The following NPAT variants were observed in gnomAD, a reference collection of about 807,000 sequenced individuals.
The protein encoded by NPAT is nuclear protein, coactivator of histone transcription.
NPAT carries 52 observed loss-of-function variants against 130.7 expected under a neutral mutation model. The ratio of observed to expected loss-of-function variants is 0.40; its 90% CI spans 0.32 to 0.50. NPAT has a LOEUF of 0.50. Ranked by LOEUF, NPAT falls within the 20% of genes least tolerant of loss-of-function variation. The pLI is 0.68. For synonymous variants in NPAT, 580 were observed against 584.8 expected, an observed-to-expected ratio of 0.99 and a Z score of 0.12; for missense variants, 1,687 against 1,662.6, an observed-to-expected ratio of 1.01 and a Z score of -0.26.
chr11:108,188,060 T>C lies in NPAT; in HGVS notation c.638+38A>G, dbSNP rs1006443662. ...TGTAATTCTTTTTTTTTTTTTTTAA[T>C]GGATACGGGTAACTTGTCTCTTTTA... On this transcript the variant is annotated intron_variant, in intron 7 of 17. Transcript: ENST00000278612. The C allele has an allele frequency of 2.2e-6, 3 of 1,359,724 alleles. No individual in the cohort carries two copies. The South Asian group carries it at 3.5e-5, about 16-fold the overall frequency. 84.2% of individuals were successfully genotyped at this position (1,359,724 alleles called of 1,614,324 possible).
chr11:108,213,525 G>A (rs1331667667), intron 1 of NPAT, among the ~76,000 whole-genome samples: 1 of 152,128 alleles, frequency 6.6e-6, no homozygotes, highest in South Asian at 2.1e-4. Flanking sequence ...TCCACGCAAA[G>A]ACATACTGTG....
chr11:108,179,421 C>T (rs927410886), intron 10 of NPAT, among the ~76,000 whole-genome samples: 16 of 152,092 alleles, frequency 1.1e-4, no homozygotes, highest in East Asian at 1.9e-4. Flanking sequence ...ACATGTGACA[C>T]CACACCCAGC....
chr11:108,218,454 T>C (rs975422037), intron 1 of NPAT, among the ~76,000 whole-genome samples: 12 of 152,318 alleles, frequency 7.9e-5, no homozygotes, highest in African/African-American at 2.2e-4. Context: ...CTAGAAAGAT[T>C]AGTAATTTAA....
intron 2 of NPAT, among the ~76,000 whole-genome samples, chr11:108,194,692 A>G (rs1402401070): frequency 6.6e-6 from 1 of 152,188 alleles, no homozygotes; most frequent in Non-Finnish European, 1.5e-5. Flanking sequence ...GCTCTGTCAC[A>G]CAGGCTGGAG....
chr11:108,175,853 G>A lies in NPAT; in HGVS notation c.1132+393C>T, dbSNP rs569648895. ...ATTAATACTAAATTGTACATGTCAAGAATTGAATTATAAAGGAATGAGGTT... is the reference window on the plus strand; with the variant it reads ...ATTAATACTAAATTGTACATGTCAAAAATTGAATTATAAAGGAATGAGGTT... On this transcript the variant is annotated intron_variant, in intron 12 of 17. Transcript: ENST00000278612. Among the ~76,000 whole-genome samples the A allele has an allele frequency of 1.3e-4, 20 of 152,290 alleles. No homozygotes were observed. The East Asian group carries it at 3.9e-3, about 29-fold the overall frequency.
chr11:108,197,667 T>C (rs2078236487), intron 1 of NPAT, among the ~76,000 whole-genome samples: 1 of 152,210 alleles, frequency 6.6e-6, no homozygotes, highest in African/African-American at 2.4e-5. Context: ...TTTAACAAAG[T>C]ATAATTACTT....
At chr11:108,214,259 A>C (rs1447382126) in intron 1 of NPAT, among the ~76,000 whole-genome samples, 1 of 152,224 alleles carries the variant, frequency 6.6e-6, no homozygotes, top group African/African-American at 2.4e-5. Context: ...TCATATAATG[A>C]AATATTCAGC....
chr11:108,161,550 TTCTG>T lies in NPAT; in HGVS notation c.3532_3535del (p.Gln1178LysfsTer23), dbSNP rs771599804. 6.2e-7 allele frequency: 1 copy of T among 1,614,238 alleles called. No individual in the cohort carries two copies. The highest frequency in any genetic ancestry group is 8.5e-7 in the Non-Finnish European group (1 of 1,180,042). ...AGATAGTTTTGAATTTTCTGGATTT[TTCTG>T]TCTTTCTACATCGCTGCATAATTCA... On this transcript the variant is annotated frameshift_variant, in exon 17 of 18. Transcript: ENST00000278612. LOFTEE classifies it high-confidence loss of function.
At position 108,176,974 on chromosome 11, in the gene NPAT, GAAAT is replaced by G. The variant is rs146577685; in HGVS notation, c.1003+16_1003+19del. 1,825 of 1,504,918 alleles carry G rather than the reference GAAAT, an allele frequency of 1.2e-3. 17 individuals carry two copies. In the East Asian group the frequency reaches 0.024, roughly 20 times the overall value. The allele number at this position is 1,504,918 out of a possible 1,614,324, so 93.2% of individuals were successfully genotyped here. On this transcript the variant is annotated intron_variant, in intron 11 of 17. Coordinates refer to ENST00000278612, the MANE Select transcript of NPAT (RefSeq NM_002519.3). ...TGTAGAAGCCTTTTTTTTCTGTCTT[GAAAT>G]AAATAGTCTCCTTACCATAGTCAAA...
At chr11:108,204,871 G>A (rs2078310853) in intron 1 of NPAT, among the ~76,000 whole-genome samples, 1 of 152,200 alleles carries the variant, frequency 6.6e-6, no homozygotes, top group African/African-American at 2.4e-5. Context: ...AGACCTAAGG[G>A]ATGCCATCAA....
chr11:108,162,092 T>C lies in NPAT; in HGVS notation c.3071+28A>G, dbSNP rs548502086. 5 of 1,612,256 alleles carry C rather than the reference T, an allele frequency of 3.1e-6. No homozygotes were observed. The African/African-American group carries it at 6.7e-5, about 21-fold the overall frequency. On this transcript the variant is annotated intron_variant, in intron 16 of 17. Transcript: ENST00000278612. Reference sequence around the variant, plus strand: ...GTTTTAAATCTGAGCATTCAAACAATCTATGATAGAAACTACTTTATACTC... The same window carrying C: ...GTTTTAAATCTGAGCATTCAAACAACCTATGATAGAAACTACTTTATACTC...
At chr11:108,194,057 T>C (rs1321018100) in intron 2 of NPAT, 40 bp from the exon 3 acceptor site, 1 of 1,017,908 alleles carries the variant, frequency 9.8e-7, no homozygotes, top group Non-Finnish European at 1.5e-6. Context: ...AATTGTATAA[T>C]ACTACCAATA....
intron 1 of NPAT, among the ~76,000 whole-genome samples, chr11:108,221,603 ATAG>A (rs2078499068): frequency 6.6e-6 from 1 of 152,244 alleles, no homozygotes; most frequent in African/African-American, 2.4e-5. Context: ...CAATAAAATA[ATAG>A]TAGTAATGGC....
chr11:108,176,436 T>C, intron 11 of NPAT, 62 bp from the exon 12 acceptor site: 3 of 1,189,566 alleles, frequency 2.5e-6, no homozygotes, highest in Non-Finnish European at 2.5e-6. Flanking sequence ...CATCAATGAA[T>C]ACAGCTTGTT....
At chr11:108,213,441 A>G (rs1189761886) in intron 1 of NPAT, among the ~76,000 whole-genome samples, 2 of 152,244 alleles carry the variant, frequency 1.3e-5, no homozygotes, top group South Asian at 2.1e-4. Flanking sequence ...ATACTTAGGA[A>G]TAAGTTTAAC....
At chr11:108,184,497 T>C (rs1363341299) in intron 10 of NPAT, among the ~76,000 whole-genome samples, 1 of 150,648 alleles carries the variant, frequency 6.6e-6, no homozygotes, top group Non-Finnish European at 1.5e-5. Context: ...CTTGTTCATT[T>C]TATTTTGTTA....
At chr11:108,215,950 A>G (rs1429349163) in intron 1 of NPAT, among the ~76,000 whole-genome samples, 1 of 152,256 alleles carries the variant, frequency 6.6e-6, no homozygotes, top group African/African-American at 2.4e-5. Flanking sequence ...GATCAAAGAT[A>G]CACTGCAATG....
At position 108,173,772 on chromosome 11, in the gene NPAT, G is replaced by T; in HGVS notation, c.1212C>A (p.Asn404Lys). Reference protein sequence around the residue: ...DPLNALKNSNNHDVLRQEDQE... With the variant: ...DPLNALKNSNKHDVLRQEDQE... ...GGTCTTCTTGTCTAAGCACATCATG[G>T]TTGTTGCTATTCTTCAAAGCATTTA... Residue 404 changes from asparagine (N) to lysine (K), a missense_variant, in exon 13 of 18, where the codon AAC (asparagine) becomes AAA (lysine). Physicochemically the swap from Asn to Lys is moderately conservative, Grantham distance 94 (BLOSUM62 0). Around this residue, in one of 3 missense-constraint regions of NPAT, gnomAD observed 1,379 missense variants for 1,346.6 expected, o/e 1.02. Transcript: ENST00000278612. 6.2e-7 allele frequency: 1 copy of T among 1,614,120 alleles called. No individual in the cohort carries two copies. The highest frequency in any genetic ancestry group is 8.5e-7 in the Non-Finnish European group (1 of 1,180,016).
At chr11:108,220,091 A>T (rs2078469445) in intron 1 of NPAT, among the ~76,000 whole-genome samples, 1 of 152,260 alleles carries the variant, frequency 6.6e-6, no homozygotes, top group Non-Finnish European at 1.5e-5. Flanking sequence ...TTGGAGAGGT[A>T]GGTAGGATCA....
Sources: gnomAD v4.1 joint callset for allele counts (sites outside exome capture counted in the v4.1 genomes callset) on GRCh38, gnomAD v4.1.1 for gene constraint, gnomAD v4.1.1 regional missense constraint, MANE v1.5 for transcripts, NCBI Gene and HGNC (gene_info 2026-07-23, HGNC 2026-07-21) for gene names.